Variants in SEC14L5 observed in about 807,000 individuals in gnomAD.
The protein encoded by SEC14L5 is SEC14 like lipid binding 5.
In SEC14L5, 96 loss-of-function variants were observed where a neutral mutation model predicts 84.6. The ratio of observed to expected loss-of-function variants is 1.13; its 90% CI spans 0.96 to 1.34. SEC14L5 has a LOEUF of 1.34. Among genes scored for constraint, SEC14L5 ranks in the 40% most tolerant of loss-of-function variants. The pLI is 0.00. For missense variants in SEC14L5, 1,224 were observed against 942.5 expected (o/e 1.30, Z -3.91); for synonymous variants, 546 against 383.4 (o/e 1.42, Z -4.95).
chr16:4,983,026 G>A (rs925807410), intron 2 of SEC14L5, among the ~76,000 whole-genome samples: 4 of 152,016 alleles, frequency 2.6e-5, no homozygotes, highest in Admixed American at 6.6e-5. Flanking sequence ...ATTTTGAGAT[G>A]GAGCCTGGCT....
rs137875421 is a variant in SEC14L5 at position 5,016,531 on chromosome 16, C to A, written c.*1561C>A. The A allele has an allele frequency of 5.3e-5, 8 of 152,330 alleles. No individual in the cohort carries two copies. The highest frequency in any genetic ancestry group is 1.9e-4 in the African/African-American group (8 of 41,582). The allele number at this position is 152,330 out of a possible 1,614,324, so 9.4% of individuals were successfully genotyped here. A position where few individuals can be genotyped will look rare whatever the true frequency, so the allele number is the denominator to read the frequency against. On this transcript the variant is annotated 3_prime_UTR_variant, in exon 16 of 16. Coordinates refer to ENST00000251170, the MANE Select transcript of SEC14L5 (RefSeq NM_014692.2). ...CCAGTCCCTACCCCATTGACTTGCG[C>A]CCAGCCCACATTACACATCCTCATG...
At position 4,984,959 on chromosome 16, in the gene SEC14L5, G is replaced by A. The variant is rs530658510; in HGVS notation, c.64-2598G>A. On this transcript the variant is annotated intron_variant, in intron 2 of 15. Transcript: ENST00000251170. ...AATCCCCCATTTTCTACACACACAT[G>A]TACACATATGTATGTATGTATAATT... 3.9e-5 allele frequency among the ~76,000 whole-genome samples: 6 copies of A among 152,174 alleles called. No individual in the cohort carries two copies. In the South Asian group the frequency reaches 6.2e-4, roughly 16 times the overall value.
At chr16:5,000,513 G>T (rs917724652) in intron 8 of SEC14L5, 142 bp from the exon 9 acceptor site, 9 of 636,590 alleles carry the variant, frequency 1.4e-5, no homozygotes, top group Non-Finnish European at 5.6e-6. Context: ...AGCAGGCAGG[G>T]TGTTAGTAAG....
chr16:5,003,382 T>G lies in SEC14L5; in HGVS notation c.1131-20T>G, dbSNP rs748227029. 2 of 1,606,422 alleles carry G rather than the reference T, an allele frequency of 1.2e-6. No homozygotes were observed. Among genetic ancestry groups the G allele is most frequent in the East Asian group, 4.5e-5 (2 of 44,824 alleles). On this transcript the variant is annotated intron_variant, in intron 10 of 15. Transcript: ENST00000251170. ...GGGAGGCAGCAGAGCCAGGTGGAGC[T>G]GGGGCTATTTCTGCCACAGCTCCTG...
rs1410275416 is a variant in SEC14L5 at position 5,000,717 on chromosome 16, G to A, written c.1033G>A (p.Val345Met). 1.6e-5 allele frequency: 25 copies of A among 1,552,504 alleles called. No individual in the cohort carries two copies. Among genetic ancestry groups the A allele is most frequent in the Non-Finnish European group, 2.1e-5 (24 of 1,147,726 alleles). The change falls in exon 9 of 16, where the codon GTG (valine) becomes ATG (methionine). Residue 345 changes from valine to methionine, a missense_variant. Transcript: ENST00000251170. Reference protein sequence around the residue: ...QMDTKGLMKAVGEEALLRHVL... With the variant: ...QMDTKGLMKAMGEEALLRHVL... ...GGACACCAAAGGCTTGATGAAGGCC[G>A]TGGGGGAGGAGGCGCTGCTGCGGCA...
At position 5,013,100 on chromosome 16, in the gene SEC14L5, C is replaced by T. The variant is rs376170777; in HGVS notation, c.1980-1759C>T. ...CCTCATGAGAACTCATTCACTATCGCAAGAAGACCATGGGGGAAACTGCCC... is the reference window on the plus strand; with the variant it reads ...CCTCATGAGAACTCATTCACTATCGTAAGAAGACCATGGGGGAAACTGCCC... On this transcript the variant is annotated intron_variant, in intron 15 of 15. Transcript: ENST00000251170. Among the ~76,000 whole-genome samples the T allele has an allele frequency of 2.0e-4, 19 of 94,874 alleles. No homozygotes were observed. The East Asian group carries it at 3.7e-3, about 18-fold the overall frequency. The allele number at this position is 94,874 out of a possible 152,430, so 62.2% of individuals were successfully genotyped here.
In SEC14L5 at chr16:4,999,055, C is replaced by T. The variant is rs201352761; in HGVS notation, c.971-1600C>T. ...TTTGTTTCAGTTCTCATACCCTAAA[C>T]GAGTGTCCTTTTTGTGGCCTATTTA... On this transcript the variant is annotated intron_variant, in intron 8 of 15. Coordinates refer to ENST00000251170, the MANE Select transcript of SEC14L5 (RefSeq NM_014692.2). Among the ~76,000 whole-genome samples the T allele has an allele frequency of 1.5e-4, 23 of 152,282 alleles. No homozygotes were observed. The East Asian group carries it at 3.5e-3, about 23-fold the overall frequency.
chr16:4,966,871 C>A (rs962497913), intron 2 of SEC14L5, among the ~76,000 whole-genome samples: 3 of 152,202 alleles, frequency 2.0e-5, no homozygotes, highest in African/African-American at 7.2e-5. Context: ...TGCCTTTACC[C>A]CTTCGGGACC....
chr16:5,007,434 A>G lies in SEC14L5; in HGVS notation c.1520A>G (p.Gln507Arg), dbSNP rs759374397. 1.1e-5 allele frequency: 18 copies of G among 1,613,772 alleles called. No individual in the cohort carries two copies. Among genetic ancestry groups the G allele is most frequent in the Non-Finnish European group, 1.4e-5 (17 of 1,179,866 alleles). ...CAGGAGCACACGGACCAGCTGTGGC[A>G]GTGGAGTGAGACCTACCATTCAGCC... is the stretch of plus-strand genomic sequence containing the variant. ...EEQEHTDQLW[Q>R]WSETYHSASV... The change falls in exon 13 of 16, where the codon CAG (glutamine) becomes CGG (arginine). Residue 507 changes from glutamine to arginine, a missense_variant. By Grantham distance (43) the Gln-to-Arg change is conservative (BLOSUM62 1). Coordinates refer to ENST00000251170, the MANE Select transcript of SEC14L5 (RefSeq NM_014692.2).
chr16:4,972,232 G>A (rs1201278691), intron 2 of SEC14L5, among the ~76,000 whole-genome samples: 3 of 152,042 alleles, frequency 2.0e-5, no homozygotes, highest in African/African-American at 7.3e-5. Context: ...CAAACTCCCG[G>A]CTTCAAGTGA....
intron 2 of SEC14L5, among the ~76,000 whole-genome samples, chr16:4,966,204 A>C (rs1338703143): frequency 6.6e-6 from 1 of 150,448 alleles, no homozygotes; most frequent in Non-Finnish European, 1.5e-5. Flanking sequence ...CTGACCTCAT[A>C]ATCCGCCCTC....
At chr16:4,977,792 TTTTA>T (rs947677125) in intron 2 of SEC14L5, among the ~76,000 whole-genome samples, 3 of 151,688 alleles carry the variant, frequency 2.0e-5, no homozygotes, top group African/African-American at 4.8e-5. Flanking sequence ...AGTGTTTTTA[TTTTA>T]TTTATTTATT....
chr16:4,975,686 C>T (rs891794853), intron 2 of SEC14L5, among the ~76,000 whole-genome samples: 1 of 151,678 alleles, frequency 6.6e-6, no homozygotes, highest in Admixed American at 6.6e-5. Flanking sequence ...GGGTAGATAC[C>T]CATATTTCAA....
intron 4 of SEC14L5, 35 bp downstream of exon 4, chr16:4,988,315 C>A: frequency 1.2e-6 from 2 of 1,606,364 alleles, no homozygotes; most frequent in South Asian, 2.2e-5. Context: ...CCACGCCCGG[C>A]ACCCACCTGC....
In SEC14L5 at chr16:4,996,974, C is replaced by A; in HGVS notation, c.900C>A (p.Leu300=). ...SWRKQHQVDL[L]LQTWQPPALL... ...GCAAGCAGCACCAGGTGGATCTCCT[C>A]CTTCAGACCTGGCAACCCCCTGCCC... The change falls in exon 8 of 16, where the codon CTC becomes CTA. Residue 300 remains leucine, a synonymous_variant. Coordinates refer to ENST00000251170, the MANE Select transcript of SEC14L5 (RefSeq NM_014692.2). 6.2e-7 allele frequency: 1 copy of A among 1,613,648 alleles called. No homozygotes were observed. The highest frequency in any genetic ancestry group is 8.5e-7 in the Non-Finnish European group (1 of 1,179,708).
chr16:4,964,412 C>A (rs1400222392), intron 2 of SEC14L5, among the ~76,000 whole-genome samples: 1 of 151,988 alleles, frequency 6.6e-6, no homozygotes, highest in Non-Finnish European at 1.5e-5. Flanking sequence ...CATGGAGAAA[C>A]CCCGTCTTCC....
intron 2 of SEC14L5, among the ~76,000 whole-genome samples, chr16:4,971,284 C>T (rs953181425): frequency 6.6e-6 from 1 of 152,028 alleles, no homozygotes; most frequent in Non-Finnish European, 1.5e-5. Flanking sequence ...CACAGTGAGA[C>T]CTTGTCTCTA....
chr16:4,967,911 T>G (rs1277316791), intron 2 of SEC14L5, among the ~76,000 whole-genome samples: 4 of 147,570 alleles, frequency 2.7e-5, no homozygotes, highest in South Asian at 2.2e-4. Context: ...CCTCCTTCCT[T>G]CCTTCCTTTC....
At chr16:4,991,444 T>C (rs1013789292) in intron 5 of SEC14L5, among the ~76,000 whole-genome samples, 2 of 151,980 alleles carry the variant, frequency 1.3e-5, no homozygotes, top group African/African-American at 2.4e-5. Context: ...TGTGTGCCTA[T>C]AGTCCCAGCT....
Sources: gnomAD v4.1 joint callset for allele counts (sites outside exome capture counted in the v4.1 genomes callset) on GRCh38, gnomAD v4.1.1 for gene constraint, MANE v1.5 for transcripts, NCBI Gene and HGNC (gene_info 2026-07-23, HGNC 2026-07-21) for gene names.